Variants in ADAM32 observed in about 807,000 individuals in gnomAD.
ADAM32 encodes ADAM metallopeptidase domain 32.
ADAM32 carries 89 observed loss-of-function variants against 114.9 expected under a neutral mutation model. The ratio of observed to expected loss-of-function variants is 0.77; its 90% CI spans 0.65 to 0.92. The LOEUF is 0.92. Among genes scored for constraint, ADAM32 ranks in the 40% least tolerant of loss-of-function variants. The pLI is 0.00. For synonymous variants in ADAM32, 285 were observed against 307.5 expected (o/e 0.93, Z 0.77); for missense variants, 870 against 932.8 (o/e 0.93, Z 0.88).
At chr8:39,196,575 G>T (rs1434472028) in intron 11 of ADAM32, among the ~76,000 whole-genome samples, 3 of 152,072 alleles carry the variant, frequency 2.0e-5, no homozygotes, top group Non-Finnish European at 4.4e-5. Flanking sequence ...TGCATTTTCT[G>T]TGGCTATTGA....
At chr8:39,211,036 A>G (rs1293689288) in intron 11 of ADAM32, 108 bp from the exon 12 acceptor site, 33 of 1,005,754 alleles carry the variant, frequency 3.3e-5, no homozygotes, top group Non-Finnish European at 4.4e-5. Context: ...CTTATTATAA[A>G]CATTTGTAAC....
chr8:39,267,582 A>T (rs1812446780), intron 19 of ADAM32, among the ~76,000 whole-genome samples: 1 of 152,196 alleles, frequency 6.6e-6, no homozygotes, highest in Admixed American at 6.5e-5. Flanking sequence ...GCAAAGAAGA[A>T]CCAGCACTGA....
intron 2 of ADAM32, among the ~76,000 whole-genome samples, chr8:39,129,557 A>T (rs1802318047): frequency 6.6e-6 from 1 of 152,184 alleles, no homozygotes; most frequent in Non-Finnish European, 1.5e-5. Flanking sequence ...TAAATGGTGT[A>T]TAATTCTTTT....
At chr8:39,216,890 T>TTAAAGTGTTATAATAA (rs60024292) in intron 12 of ADAM32, among the ~76,000 whole-genome samples, 144,639 of 150,402 alleles carry the variant, frequency 0.96, 69,843 homozygotes, top group East Asian at 1. Context: ...TGCACCCCAG[T>TTAAAGTGTTATAATAA]TAAAGTGTTA....
At chr8:39,108,531 A>G (rs1304609695) in intron 1 of ADAM32, among the ~76,000 whole-genome samples, 1 of 152,202 alleles carries the variant, frequency 6.6e-6, no homozygotes, top group African/African-American at 2.4e-5. Flanking sequence ...TAGTAAGAGA[A>G]CTGCTAAATA....
intron 11 of ADAM32, among the ~76,000 whole-genome samples, chr8:39,203,378 A>G (rs1479756339): frequency 1.8e-4 from 27 of 152,124 alleles, no homozygotes; most frequent in Admixed American, 1.8e-3. Flanking sequence ...TCCCTTTACC[A>G]TTATGTAATG....
intron 1 of ADAM32, among the ~76,000 whole-genome samples, chr8:39,109,487 C>T (rs755362369): frequency 6.6e-6 from 1 of 152,056 alleles, no homozygotes; most frequent in African/African-American, 2.4e-5. Flanking sequence ...GCAGGAGTTG[C>T]AGTGAGCTGA....
intron 11 of ADAM32, among the ~76,000 whole-genome samples, chr8:39,196,700 T>C (rs1034535100): frequency 1.3e-5 from 2 of 152,126 alleles, no homozygotes; most frequent in African/African-American, 4.8e-5. Flanking sequence ...GATCATTATA[T>C]AATATATCTC....
rs536905003 is a variant in ADAM32, at chr8:39,225,629, A to G, written c.1525+2391A>G. ...AACCCAACAGTCTCACTGCCCCTGC[A>G]GATACCACAGCTTTAGCTGCTCAGG... is the stretch of plus-strand genomic sequence containing the variant. On this transcript the variant is annotated intron_variant, in intron 14 of 24. Transcript: ENST00000379907. Among the ~76,000 whole-genome samples, 5 of 152,312 alleles carry G rather than the reference A, an allele frequency of 3.3e-5. No individual in the cohort carries two copies. The East Asian group carries it at 9.7e-4, about 29-fold the overall frequency.
At chr8:39,282,738 T>C (rs1200425959) in intron 23 of ADAM32, among the ~76,000 whole-genome samples, 1 of 152,180 alleles carries the variant, frequency 6.6e-6, no homozygotes, top group African/African-American at 2.4e-5. Context: ...GTAGAGCCAA[T>C]TCCTTGGGTA....
At chr8:39,119,497 C>A (rs1840508267) in intron 2 of ADAM32, among the ~76,000 whole-genome samples, 2 of 152,102 alleles carry the variant, frequency 1.3e-5, no homozygotes, top group African/African-American at 4.8e-5. Flanking sequence ...AGCCTAATAG[C>A]CATTTATATG....
At position 39,264,106 on chromosome 8, in the gene ADAM32, C is replaced by T. The variant is rs1193070215; in HGVS notation, c.2162+6763C>T. On this transcript the variant is annotated intron_variant, in intron 19 of 24. Coordinates refer to ENST00000379907, the MANE Select transcript of ADAM32 (RefSeq NM_145004.7). Reference sequence around the variant, plus strand: ...TTTCCTGTCTATCCCCAGATTACCACTTTGTTTTTCTTTTTCAAATTTTAA... The same window carrying T: ...TTTCCTGTCTATCCCCAGATTACCATTTTGTTTTTCTTTTTCAAATTTTAA... Among the ~76,000 whole-genome samples, 3 of 152,078 alleles carry T rather than the reference C, an allele frequency of 2.0e-5. No homozygotes were observed. The East Asian group carries it at 5.8e-4, about 29-fold the overall frequency.
At chr8:39,219,930 G>A (rs956389893) in intron 12 of ADAM32, among the ~76,000 whole-genome samples, 1 of 152,118 alleles carries the variant, frequency 6.6e-6, no homozygotes, top group Admixed American at 6.5e-5. Context: ...GTTGAAATGT[G>A]GAGTACTTTG....
intron 10 of ADAM32, among the ~76,000 whole-genome samples, chr8:39,176,351 C>T (rs1473405760): frequency 6.6e-6 from 1 of 152,130 alleles, no homozygotes; most frequent in Non-Finnish European, 1.5e-5. Context: ...CTTAACATGG[C>T]TTTACCTGCA....
At chr8:39,259,826 C>T (rs950290561) in intron 19 of ADAM32, among the ~76,000 whole-genome samples, 4 of 152,170 alleles carry the variant, frequency 2.6e-5, no homozygotes, top group Admixed American at 6.5e-5. Context: ...CTTTGCCTAG[C>T]TTTTTCCATT....
chr8:39,241,463 C>T (rs1286241776), intron 16 of ADAM32, among the ~76,000 whole-genome samples: 1 of 152,216 alleles, frequency 6.6e-6, no homozygotes, highest in Non-Finnish European at 1.5e-5. Context: ...GGGCTCCACT[C>T]CTGCAGCAAA....
chr8:39,203,519 G>A (rs1051480850), intron 11 of ADAM32, among the ~76,000 whole-genome samples: 6 of 152,092 alleles, frequency 3.9e-5, no homozygotes, highest in South Asian at 4.2e-4. Flanking sequence ...TTGAGCCTAT[G>A]TGTGTCTCTG....
rs761981921 is a variant in ADAM32, at chr8:39,165,146, G to C, written c.783G>C (p.Trp261Cys). The C allele has an allele frequency of 6.9e-6, 11 of 1,600,208 alleles. No individual in the cohort carries two copies. The highest frequency in any genetic ancestry group is 1.7e-5 in the Admixed American group (1 of 59,066). Reference protein sequence around the residue: ...ADELLQKFLEWKQSYLNLRPH... With the variant: ...ADELLQKFLECKQSYLNLRPH... Reference sequence around the variant, plus strand: ...AATTATTGCAAAAATTTTTAGAATGGAAACAATCTTATCTTAACCTAAGGC... The same window carrying C: ...AATTATTGCAAAAATTTTTAGAATGCAAACAATCTTATCTTAACCTAAGGC... The change falls in exon 9 of 25, where the codon TGG becomes TGC. Residue 261 changes from tryptophan (W) to cysteine (C), a missense_variant. Transcript: ENST00000379907.
At chr8:39,159,034 C>T (rs181487720) in intron 6 of ADAM32, among the ~76,000 whole-genome samples, 24 of 151,956 alleles carry the variant, frequency 1.6e-4, no homozygotes, top group Non-Finnish European at 2.4e-4. Context: ...TCCAGTGGTA[C>T]CATTTCTGTT....
Sources: gnomAD v4.1 joint callset for allele counts (sites outside exome capture counted in the v4.1 genomes callset) on GRCh38, gnomAD v4.1.1 for gene constraint, MANE v1.5 for transcripts, NCBI Gene and HGNC (gene_info 2026-07-23, HGNC 2026-07-21) for gene names.